SERPINB7: variants seen among roughly 807,000 people sequenced by gnomAD.
SERPINB7 encodes serpin family B member 7, also known as serpin B7.
In SERPINB7, 31 loss-of-function variants were observed where a neutral mutation model predicts 37.4. The ratio of observed to expected loss-of-function variants is 0.83; its 90% CI spans 0.62 to 1.12. SERPINB7 has a LOEUF of 1.12. SERPINB7 is among the 50% of genes most tolerant of loss of function. The probability of loss-of-function intolerance (pLI) is 0.00; values close to 1 mark genes in which losing one functional copy is unlikely to be tolerated. For synonymous variants in SERPINB7, 163 were observed against 166.1 expected, an observed-to-expected ratio of 0.98 and a Z score of 0.14; for missense variants, 521 against 455.3, an observed-to-expected ratio of 1.14 and a Z score of -1.31.
At position 63,791,852 on chromosome 18, in the gene SERPINB7, T is replaced by C. The variant is rs138414343; in HGVS notation, c.169-541T>C. ...GTCTCGATCTCCTGACCTCGTGATCTGCCCGCCTTGGCCTCCCAAAGTGCT... is the reference window on the plus strand; with the variant it reads ...GTCTCGATCTCCTGACCTCGTGATCCGCCCGCCTTGGCCTCCCAAAGTGCT... On this transcript the variant is annotated intron_variant, in intron 2 of 7. Transcript: ENST00000398019. Among the ~76,000 whole-genome samples, 736 of 152,248 alleles carry C rather than the reference T, an allele frequency of 4.8e-3. 33 individuals carry two copies. In the East Asian group the frequency reaches 0.11, roughly 23 times the overall value.
chr18:63,782,486 C>A lies in SERPINB7; in HGVS notation c.114C>A (p.Ala38=). 5 of 1,614,130 alleles carry A rather than the reference C, an allele frequency of 3.1e-6. No homozygotes were observed. The highest frequency in any genetic ancestry group is 4.2e-6 in the Non-Finnish European group (5 of 1,179,982). The change falls in exon 2 of 8, where the codon GCC becomes GCA. Residue 38 remains alanine (A), a synonymous_variant. Transcript: ENST00000398019. ...TTTCCTCTCTGAGCCTCTTCGCTGC[C>A]CTGGCCCTGGTCCGCTTGGGCGCTC... is the stretch of plus-strand genomic sequence containing the variant. The part of the protein sequence containing the change: ...VFFSSLSLFA[A]LALVRLGAQD...
intron 2 of SERPINB7, among the ~76,000 whole-genome samples, chr18:63,791,262 A>G (rs1254908745): frequency 4.6e-5 from 7 of 152,222 alleles, no homozygotes; most frequent in Admixed American, 6.5e-5. Flanking sequence ...CACATTCTAC[A>G]TATGTATCCC....
In SERPINB7 at chr18:63,779,469, G is replaced by A. The variant is rs76030952; in HGVS notation, c.-18-2886G>A. 4.2e-3 allele frequency among the ~76,000 whole-genome samples: 634 copies of A among 152,198 alleles called. 3 individuals are homozygous for A. Among genetic ancestry groups the A allele is most frequent in the African/African-American group, 0.014 (578 of 41,534 alleles). ...AGAGAAAGATAATAAAAATAATTAT[G>A]TGAAATGGAACATACTTTTTGGTAT... is the stretch of plus-strand genomic sequence containing the variant. On this transcript the variant is annotated intron_variant, in intron 1 of 7. Transcript: ENST00000398019.
chr18:63,800,827 G>A (rs1235167547), intron 6 of SERPINB7, 39 bp from the exon 7 acceptor site: 24 of 1,606,752 alleles, frequency 1.5e-5, no homozygotes, highest in Non-Finnish European at 2.0e-5. Context: ...AGTAAAATGA[G>A]GTGGGATCAT....
Position 63,766,609 on chromosome 18 carries a change from T to A in SERPINB7, c.-19+13489T>A, listed in dbSNP as rs930892603. On this transcript the variant is annotated intron_variant, in intron 1 of 7. Transcript: ENST00000336429. ...GCCCTTGGGGATCATTTTGCAGGAA[T>A]GTTCTTCTGAAATTGTCTTTCTCTT... is the stretch of plus-strand genomic sequence containing the variant. Among the ~76,000 whole-genome samples the A allele has an allele frequency of 3.9e-5, 6 of 152,124 alleles. No individual in the cohort carries two copies. In the East Asian group the frequency reaches 1.2e-3, roughly 29 times the overall value.
At chr18:63,804,086 T>C in intron 7 of SERPINB7, 151 bp from the exon 8 acceptor site, 3 of 586,644 alleles carry the variant, frequency 5.1e-6, no homozygotes, top group Non-Finnish European at 8.7e-6. Flanking sequence ...TTTATTCATG[T>C]TCTGTTTCAA....
At chr18:63,797,674 A>G (rs1166366418) in intron 5 of SERPINB7, among the ~76,000 whole-genome samples, 1 of 152,208 alleles carries the variant, frequency 6.6e-6, no homozygotes, top group Non-Finnish European at 1.5e-5. Context: ...CATCCTCTAC[A>G]CAATATCAGA....
chr18:63,754,636 C>T (rs938882295), intron 1 of SERPINB7, among the ~76,000 whole-genome samples: 11 of 152,170 alleles, frequency 7.2e-5, no homozygotes, highest in Non-Finnish European at 1.5e-4. Flanking sequence ...CTTGGAGCCC[C>T]ACCCTCCACC....
intron 5 of SERPINB7, among the ~76,000 whole-genome samples, chr18:63,798,055 G>T (rs931776063): frequency 6.6e-6 from 1 of 152,182 alleles, no homozygotes; most frequent in Admixed American, 6.5e-5. Context: ...ACTGCTCTTT[G>T]GATGTTGACT....
intron 4 of SERPINB7, among the ~76,000 whole-genome samples, chr18:63,794,600 G>C (rs1048146414): frequency 1.3e-5 from 2 of 152,152 alleles, no homozygotes; most frequent in African/African-American, 4.8e-5. Context: ...TGAGGCAGGA[G>C]AATGGCATGA....
At chr18:63,799,473 T>C (rs79856999) in intron 6 of SERPINB7, among the ~76,000 whole-genome samples, 5,218 of 152,312 alleles carry the variant, frequency 0.034, 110 homozygotes, top group South Asian at 0.063. Context: ...AATATTGTTT[T>C]AAACACTCTT....
At chr18:63,777,015 G>A (rs1040694073) in intron 1 of SERPINB7, among the ~76,000 whole-genome samples, 10 of 151,904 alleles carry the variant, frequency 6.6e-5, no homozygotes, top group African/African-American at 2.2e-4. Context: ...ATCATACAAC[G>A]AAAATAAAGG....
chr18:63,798,363 C>T (rs2144641461), intron 5 of SERPINB7, among the ~76,000 whole-genome samples: 1 of 152,178 alleles, frequency 6.6e-6, no homozygotes, highest in African/African-American at 2.4e-5. Context: ...GCTTCCTCAA[C>T]AGGAAATGGA....
chr18:63,786,227 TATATATAC>T (rs1254446160), intron 2 of SERPINB7, among the ~76,000 whole-genome samples: 2 of 121,476 alleles, frequency 1.6e-5, no homozygotes, highest in Admixed American at 9.4e-5. Flanking sequence ...TATATATATA[TATATATAC>T]ACACACACAC....
At chr18:63,783,607 A>G (rs1180455519) in intron 2 of SERPINB7, among the ~76,000 whole-genome samples, 1 of 152,210 alleles carries the variant, frequency 6.6e-6, no homozygotes, top group Admixed American at 6.5e-5. Context: ...ACACCCGTGC[A>G]CACAGCTCTG....
intron 1 of SERPINB7, among the ~76,000 whole-genome samples, chr18:63,755,151 G>A (rs1232361598): frequency 2.0e-5 from 3 of 151,888 alleles, no homozygotes; most frequent in Admixed American, 1.3e-4. Context: ...TGATCCACCC[G>A]CCTCGGCCTC....
chr18:63,765,222 T>A (rs887905165), intron 1 of SERPINB7, among the ~76,000 whole-genome samples: 1 of 152,172 alleles, frequency 6.6e-6, no homozygotes, highest in Non-Finnish European at 1.5e-5. Flanking sequence ...AAACTCTTGT[T>A]CAATTACCAA....
At chr18:63,770,829 A>G (rs1332022086), upstream of SERPINB7, among the ~76,000 whole-genome samples, 1 of 151,748 alleles carries the variant, frequency 6.6e-6, no homozygotes, top group Non-Finnish European at 1.5e-5. Context: ...TATGTTGTTT[A>G]AATCTTTTAC....
At chr18:63,755,989 A>G (rs1367845344) in intron 1 of SERPINB7, among the ~76,000 whole-genome samples, 2 of 152,158 alleles carry the variant, frequency 1.3e-5, no homozygotes, top group Non-Finnish European at 2.9e-5. Flanking sequence ...CAGTGAGTCA[A>G]GAACGGTGGA....
Sources: allele counts gnomAD v4.1 joint callset (sites outside exome capture counted in the v4.1 genomes callset), GRCh38; gene constraint gnomAD v4.1.1; transcripts MANE v1.5; gene names NCBI Gene and HGNC (gene_info 2026-07-23, HGNC 2026-07-21).